Variants in DPP10 observed in about 807,000 individuals in gnomAD.
DPP10 encodes the protein dipeptidyl peptidase like 10.
In DPP10, 33 loss-of-function variants were observed where a neutral mutation model predicts 120.9. That is an observed-to-expected ratio of 0.27 (90% CI 0.21 to 0.37). The LOEUF (loss-of-function observed/expected upper bound fraction) is 0.37, where lower values mean the gene tolerates loss of function less well. DPP10 is among the 10% of genes least tolerant of loss of function. DPP10 has a pLI of 1.00. For synonymous variants in DPP10, 337 were observed against 326.1 expected, an observed-to-expected ratio of 1.03 and a Z score of -0.36; for missense variants, 816 against 942.8, an observed-to-expected ratio of 0.87 and a Z score of 1.76.
chr2:114,827,222 G>A (rs551236091), intron 1 of DPP10, among the ~76,000 whole-genome samples: 24 of 152,208 alleles, frequency 1.6e-4, no homozygotes, highest in South Asian at 1.2e-3. Flanking sequence ...AAAGTAATCC[G>A]TATGTGGTAA....
chr2:115,393,475 C>G (rs1574691159), intron 3 of DPP10, among the ~76,000 whole-genome samples: 1 of 152,166 alleles, frequency 6.6e-6, no homozygotes, highest in Non-Finnish European at 1.5e-5. Context: ...TTCTGCAGAA[C>G]CATGACAAAC....
At chr2:114,625,157 T>A (rs1459017175) in intron 1 of DPP10, among the ~76,000 whole-genome samples, 1 of 152,024 alleles carries the variant, frequency 6.6e-6, no homozygotes, top group Non-Finnish European at 1.5e-5. Flanking sequence ...TCTTTCTTGA[T>A]CTTTTCATCT....
chr2:115,511,383 A>G lies in DPP10; in HGVS notation c.366+11779A>G, dbSNP rs376383260. Among the ~76,000 whole-genome samples the G allele has an allele frequency of 2.4e-4, 36 of 152,188 alleles. 2 individuals carry two copies. The East Asian group carries it at 4.8e-3, about 20-fold the overall frequency. On this transcript the variant is annotated intron_variant, in intron 4 of 25. Coordinates refer to ENST00000410059, the MANE Select transcript of DPP10 (RefSeq NM_020868.6). ...AAGCAATTTTATAGTATTCTGTTAC[A>G]TGTTCATTTCTGTAAGGTTGATACT...
chr2:114,640,403 A>G (rs1441997818), intron 1 of DPP10, among the ~76,000 whole-genome samples: 3 of 151,962 alleles, frequency 2.0e-5, no homozygotes, highest in Admixed American at 6.5e-5. Context: ...CCAAACTCAT[A>G]TAATTTTTTT....
At chr2:115,448,853 C>G (rs920112731) in intron 3 of DPP10, among the ~76,000 whole-genome samples, 2 of 152,080 alleles carry the variant, frequency 1.3e-5, no homozygotes, top group African/African-American at 2.4e-5. Flanking sequence ...CTATCACTTT[C>G]TTCATAGCAC....
chr2:115,283,938 A>T (rs1234900941), intron 1 of DPP10, among the ~76,000 whole-genome samples: 1 of 152,040 alleles, frequency 6.6e-6, no homozygotes, highest in Non-Finnish European at 1.5e-5. Flanking sequence ...TCAGGTGTGT[A>T]ATATGCTATA....
chr2:115,738,367 G>C (rs1337801912), intron 8 of DPP10, among the ~76,000 whole-genome samples: 1 of 151,918 alleles, frequency 6.6e-6, no homozygotes, highest in Non-Finnish European at 1.5e-5. Flanking sequence ...TACTATCTGT[G>C]GGGTGTCAGA....
chr2:114,843,792 G>A (rs556801270), intron 1 of DPP10, among the ~76,000 whole-genome samples: 187 of 152,142 alleles, frequency 1.2e-3, no homozygotes, highest in Non-Finnish European at 2.3e-3. Flanking sequence ...CCCTGCCGAG[G>A]GAGATTGTCT....
chr2:115,723,908 A>G (rs1354720332), intron 7 of DPP10, among the ~76,000 whole-genome samples: 1 of 152,202 alleles, frequency 6.6e-6, no homozygotes, highest in East Asian at 1.9e-4. Context: ...CCAAACCATT[A>G]TAATGCATGG....
chr2:115,490,026 A>G (rs1438974260), intron 3 of DPP10, among the ~76,000 whole-genome samples: 2 of 152,136 alleles, frequency 1.3e-5, no homozygotes, highest in African/African-American at 2.4e-5. Flanking sequence ...CCAATTACCA[A>G]TCAGAAAATC....
At chr2:114,456,827 G>A (rs1027759508) in intron 1 of DPP10, among the ~76,000 whole-genome samples, 1 of 152,122 alleles carries the variant, frequency 6.6e-6, no homozygotes, top group East Asian at 1.9e-4. Flanking sequence ...ATAAGCCAAG[G>A]GCAGATATGA....
chr2:115,691,310 A>T (rs902436390), intron 7 of DPP10, among the ~76,000 whole-genome samples: 1 of 152,162 alleles, frequency 6.6e-6, no homozygotes, highest in Non-Finnish European at 1.5e-5. Context: ...AATCTTTACA[A>T]TGAAATCATA....
At chr2:115,653,870 C>A (rs893523499) in intron 5 of DPP10, among the ~76,000 whole-genome samples, 2 of 151,734 alleles carry the variant, frequency 1.3e-5, no homozygotes, top group Non-Finnish European at 2.9e-5. Context: ...TTACAGCAAA[C>A]CTCCTTTTTG....
intron 3 of DPP10, among the ~76,000 whole-genome samples, chr2:115,373,289 C>T (rs915340518): frequency 9.2e-5 from 14 of 152,270 alleles, no homozygotes; most frequent in African/African-American, 1.9e-4. Flanking sequence ...TTCCTTCAGA[C>T]GAGAACATAG....
chr2:115,616,801 G>A (rs776204780), intron 5 of DPP10, among the ~76,000 whole-genome samples: 1 of 151,992 alleles, frequency 6.6e-6, no homozygotes, highest in Admixed American at 6.6e-5. Flanking sequence ...TGGTTTTAAT[G>A]TGTTATTTTT....
intron 3 of DPP10, among the ~76,000 whole-genome samples, chr2:115,480,368 A>AT (rs914412636): frequency 4.6e-5 from 7 of 151,890 alleles, no homozygotes; most frequent in African/African-American, 1.7e-4. Context: ...GCATAACTGA[A>AT]TTTTTTTCTT....
intron 5 of DPP10, among the ~76,000 whole-genome samples, chr2:115,608,244 G>T (rs1022853204): frequency 6.6e-6 from 1 of 151,948 alleles, no homozygotes; most frequent in Non-Finnish European, 1.5e-5. Context: ...AAAAATATTA[G>T]ACAGGCATGG....
intron 3 of DPP10, among the ~76,000 whole-genome samples, chr2:115,345,812 A>G (rs569300829): frequency 1.3e-5 from 2 of 152,200 alleles, no homozygotes; most frequent in South Asian, 2.1e-4. Flanking sequence ...CTTATACTTC[A>G]TAGGTTACCA....
At chr2:115,754,661 A>C (rs1304945593) in intron 11 of DPP10, among the ~76,000 whole-genome samples, 1 of 152,172 alleles carries the variant, frequency 6.6e-6, no homozygotes, top group Non-Finnish European at 1.5e-5. Context: ...GACTATCAAC[A>C]ATGTAGCATT....
Sources: gnomAD v4.1 joint callset for allele counts (sites outside exome capture counted in the v4.1 genomes callset) on GRCh38, gnomAD v4.1.1 for gene constraint, MANE v1.5 for transcripts, NCBI Gene and HGNC (gene_info 2026-07-23, HGNC 2026-07-21) for gene names.